The following RPTOR variants were observed in gnomAD, a reference collection of about 807,000 sequenced individuals.
The protein encoded by RPTOR is regulatory-associated protein of mTOR.
Under a neutral mutation model 169.9 loss-of-function variants are expected in RPTOR, and 21 were observed. The ratio of observed to expected loss-of-function variants is 0.12; its 90% CI spans 0.09 to 0.18. The LOEUF (loss-of-function observed/expected upper bound fraction) is 0.18, where lower values mean the gene tolerates loss of function less well. Among genes scored for constraint, RPTOR ranks in the 10% least tolerant of loss-of-function variants. The pLI is 1.00. For missense variants in RPTOR, 1,133 were observed against 1,855.9 expected (o/e 0.61, Z 7.16); for synonymous variants, 732 against 753.2 (o/e 0.97, Z 0.46).
intron 3 of RPTOR, among the ~76,000 whole-genome samples, chr17:80,654,676 G>A (rs547226217): frequency 2.0e-5 from 3 of 152,310 alleles, no homozygotes; most frequent in Non-Finnish European, 2.9e-5. Context: ...ACTGGAACAT[G>A]CCCTGAAGTC....
intron 28 of RPTOR, among the ~76,000 whole-genome samples, chr17:80,955,403 C>T (rs2069235518): frequency 6.6e-6 from 1 of 152,332 alleles, no homozygotes; most frequent in Admixed American, 6.5e-5. Context: ...ATACCCCTAC[C>T]TCACACCATG....
At chr17:80,680,748 A>C (rs556131097) in intron 3 of RPTOR, among the ~76,000 whole-genome samples, 55 of 152,202 alleles carry the variant, frequency 3.6e-4, no homozygotes, top group African/African-American at 1.3e-3. Context: ...TGTATGCTGC[A>C]TCCCAGGGGA....
chr17:80,644,159 C>G (rs561977655), intron 3 of RPTOR, among the ~76,000 whole-genome samples: 1 of 152,176 alleles, frequency 6.6e-6, no homozygotes, highest in Non-Finnish European at 1.5e-5. Context: ...GCAACCTCAA[C>G]TAGTTAACGC....
Position 80,809,051 on chromosome 17 carries a change from G to A in RPTOR, c.891-13150G>A, listed in dbSNP as rs2067247049. On this transcript the variant is annotated intron_variant, in intron 7 of 33. Transcript: ENST00000306801. ...CGGAGAGTGAATTGCTTGGTCATAT[G>A]GTAGGTGTGTGTTTAACTTTATAAG... 3.9e-5 allele frequency among the ~76,000 whole-genome samples: 6 copies of A among 152,346 alleles called. No homozygotes were observed. The South Asian group carries it at 1.2e-3, about 32-fold the overall frequency.
At chr17:80,594,505 C>T (rs940482921) in intron 1 of RPTOR, among the ~76,000 whole-genome samples, 1 of 152,238 alleles carries the variant, frequency 6.6e-6, no homozygotes, top group Non-Finnish European at 1.5e-5. Context: ...ATGCTTTCCA[C>T]GAAGTCCTTG....
chr17:80,703,270 C>CTG (rs2143073266), intron 3 of RPTOR, among the ~76,000 whole-genome samples: 1 of 152,352 alleles, frequency 6.6e-6, no homozygotes, highest in Non-Finnish European at 1.5e-5. Context: ...CTGGCAAGCT[C>CTG]TGCATGTGTT....
At chr17:80,871,284 T>G (rs2068049566) in intron 13 of RPTOR, among the ~76,000 whole-genome samples, 1 of 152,088 alleles carries the variant, frequency 6.6e-6, no homozygotes, top group Non-Finnish European at 1.5e-5. Flanking sequence ...TTTTTTGTAT[T>G]TTGTTTAGTA....
At chr17:80,579,726 T>C (rs902870762) in intron 1 of RPTOR, among the ~76,000 whole-genome samples, 5 of 152,218 alleles carry the variant, frequency 3.3e-5, no homozygotes, top group Non-Finnish European at 7.3e-5. Flanking sequence ...CTGGGATCCA[T>C]GTAAATGAAA....
chr17:80,920,063 G>T (rs1186893554), intron 21 of RPTOR, among the ~76,000 whole-genome samples: 1 of 152,208 alleles, frequency 6.6e-6, no homozygotes, highest in Non-Finnish European at 1.5e-5. Flanking sequence ...CACCCTTCCT[G>T]GTGCTGCGCT....
At chr17:80,859,684 C>T (rs1354917276) in intron 13 of RPTOR, among the ~76,000 whole-genome samples, 1 of 152,182 alleles carries the variant, frequency 6.6e-6, no homozygotes, top group African/African-American at 2.4e-5. Flanking sequence ...AGCAGGTCCA[C>T]GTTCCCCCCG....
intron 21 of RPTOR, among the ~76,000 whole-genome samples, chr17:80,918,566 A>AGCACCCTCGC (rs1347543386): frequency 6.6e-6 from 1 of 151,602 alleles, no homozygotes; most frequent in Non-Finnish European, 1.5e-5. Context: ...CATAGCCATG[A>AGCACCCTCGC]GGCACTAGGT....
chr17:80,944,906 G>A (rs553482052), intron 25 of RPTOR, among the ~76,000 whole-genome samples: 3 of 151,028 alleles, frequency 2.0e-5, no homozygotes, highest in Non-Finnish European at 2.9e-5. Flanking sequence ...CAGGAGAATC[G>A]CTTGAACCCA....
chr17:80,611,091 C>A lies in RPTOR; in HGVS notation c.163-14600C>A, dbSNP rs114959240. Among the ~76,000 whole-genome samples, 1,257 of 152,174 alleles carry A rather than the reference C, an allele frequency of 8.3e-3. 22 individuals carry two copies. The highest frequency in any genetic ancestry group is 0.028 in the African/African-American group (1,163 of 41,514). Reference sequence around the variant, plus strand: ...TTTCCAATGCAGATTGCCTCCAAATCTTTATTTTGAAAACTTTTCACACAA... The same window carrying A: ...TTTCCAATGCAGATTGCCTCCAAATATTTATTTTGAAAACTTTTCACACAA... On this transcript the variant is annotated intron_variant, in intron 1 of 33. Transcript: ENST00000306801.
At chr17:80,611,369 C>A (rs2065269559) in intron 1 of RPTOR, among the ~76,000 whole-genome samples, 1 of 152,122 alleles carries the variant, frequency 6.6e-6, no homozygotes, top group Non-Finnish European at 1.5e-5. Context: ...TCAAGTGATT[C>A]TCCTGCCTCA....
chr17:80,962,421 G>T, intron 31 of RPTOR, 40 bp from the exon 32 acceptor site: 1 of 1,559,516 alleles, frequency 6.4e-7, no homozygotes, highest in Non-Finnish European at 8.8e-7. Context: ...CCCTCATGGG[G>T]CCTCCGGGAG....
chr17:80,685,645 T>TAA (rs1235496343), intron 3 of RPTOR, among the ~76,000 whole-genome samples: 3 of 73,826 alleles, frequency 4.1e-5, no homozygotes, highest in African/African-American at 1.3e-4. Flanking sequence ...TTTTTTTTTT[T>TAA]TTTTTTTTTT....
chr17:80,633,758 T>G lies in RPTOR; in HGVS notation c.265+7965T>G, dbSNP rs1004141554. 1.6e-4 allele frequency among the ~76,000 whole-genome samples: 25 copies of G among 152,250 alleles called. No individual in the cohort carries two copies. Among genetic ancestry groups the G allele is most frequent in the Non-Finnish European group, 1.2e-4 (8 of 68,040 alleles). On this transcript the variant is annotated intron_variant, in intron 2 of 33. Coordinates refer to ENST00000306801, the MANE Select transcript of RPTOR (RefSeq NM_020761.3). This position sits in a 1 kb window ranked among gnomAD's most constrained non-coding sequence, Gnocchi z 4.1. ...CTCGTGACTTTCAATTTCTTCATTT[T>G]GAACTCATGGCCTCCATTTTCATTC...
chr17:80,876,535 C>T (rs1399569630), intron 13 of RPTOR, among the ~76,000 whole-genome samples: 2 of 86,436 alleles, frequency 2.3e-5, no homozygotes, highest in Non-Finnish European at 4.4e-5. Flanking sequence ...TGTCGCCTGC[C>T]GTGTCTTCCC....
At chr17:80,718,263 G>A (rs4889889) in intron 4 of RPTOR, among the ~76,000 whole-genome samples, 149,973 of 152,310 alleles carry the variant, frequency 0.98, 73,854 homozygotes, top group East Asian at 1. Context: ...TTAATTCTTC[G>A]GTGGTCTTCC....
Sources: gnomAD v4.1 joint callset for allele counts (sites outside exome capture counted in the v4.1 genomes callset) on GRCh38, gnomAD v4.1.1 for gene constraint, Gnocchi (gnomAD v3.1) non-coding constraint, MANE v1.5 for transcripts, NCBI Gene and HGNC (gene_info 2026-07-23, HGNC 2026-07-21) for gene names.